The following STARD8 variants were observed in gnomAD, a reference collection of about 807,000 sequenced individuals.
The protein encoded by STARD8 is StAR related lipid transfer domain containing 8, also known as stAR-related lipid transfer protein 8.
A neutral mutation model predicts 69.4 loss-of-function variants in STARD8; 25 were observed. The observed-to-expected ratio is 0.36, with a 90% CI of 0.26 to 0.50. STARD8 has a LOEUF of 0.50. STARD8 is among the 20% of genes least tolerant of loss of function. The pLI is 0.96. For synonymous variants in STARD8, 389 were observed against 374.6 expected, an observed-to-expected ratio of 1.04 and a Z score of -0.45; for missense variants, 921 against 932.5, an observed-to-expected ratio of 0.99 and a Z score of 0.16.
Position 68,718,195 on chromosome X carries a change from A to G in STARD8, c.1281A>G (p.Val427=), listed in dbSNP as rs1298421246. 1 of 1,211,698 alleles carries G rather than the reference A, an allele frequency of 8.3e-7. No homozygotes were observed. The highest frequency in any genetic ancestry group is 1.7e-5 in the African/African-American group (1 of 57,784). ...DEEEEEATSS[V]EIATVEVKCQ... is the part of the protein sequence containing the mutation. ...AAGAGGAGGAGGCCACTTCATCAGT[A>G]GAAATAGCCACAGTTGAGGTCAAAT... Residue 427 remains valine (V), a synonymous_variant, in exon 6 of 15, where the codon GTA becomes GTG. Coordinates refer to ENST00000374599, the MANE Select transcript of STARD8 (RefSeq NM_001142503.3).
chrX:68,663,970 G>A (rs933469079), intron 1 of STARD8, among the ~76,000 whole-genome samples: 3 of 111,827 alleles, frequency 2.7e-5, no homozygotes, highest in African/African-American at 6.5e-5. Flanking sequence ...TGTGGGCTAC[G>A]AGGGTGGATC....
intron 2 of STARD8, among the ~76,000 whole-genome samples, chrX:68,668,106 T>TTTC (rs1183246228): frequency 1.7e-4 from 17 of 102,523 alleles, no homozygotes; most frequent in African/African-American, 6.3e-4. Flanking sequence ...TCTTTCTTTC[T>TTTC]TTCTTTCTGT....
intron 2 of STARD8, among the ~76,000 whole-genome samples, chrX:68,696,638 T>C (rs1358343106): frequency 8.9e-6 from 1 of 111,973 alleles, no homozygotes; most frequent in Non-Finnish European, 1.9e-5. Context: ...CTCCAGGCTC[T>C]GCCGCCCCCC....
In STARD8 at chrX:68,647,684, G is replaced by A. The variant is rs989423420; in HGVS notation, c.-199G>A. The A allele has an allele frequency of 7.2e-5, 33 of 460,977 alleles. No homozygotes were observed. The highest frequency in any genetic ancestry group is 6.6e-4 in the African/African-American group (26 of 39,291). 38.0% of individuals were successfully genotyped at this position (460,977 alleles called of 1,213,427 possible). A position where few individuals can be genotyped will look rare whatever the true frequency, so the allele number is the denominator to read the frequency against. ...CTCCCTCGGTGGCCTTCCAGGAGGCGGGAGGCGCCCGCTGTCGAGGCAGCT... is the reference window on the plus strand; with the variant it reads ...CTCCCTCGGTGGCCTTCCAGGAGGCAGGAGGCGCCCGCTGTCGAGGCAGCT... On this transcript the variant is annotated 5_prime_UTR_variant, in exon 1 of 15. Coordinates refer to ENST00000374599, the MANE Select transcript of STARD8 (RefSeq NM_001142503.3).
intron 2 of STARD8, among the ~76,000 whole-genome samples, chrX:68,687,412 G>C (rs190860281): frequency 2.2e-3 from 249 of 111,663 alleles, no homozygotes; most frequent in African/African-American, 7.3e-3. Flanking sequence ...ACTCTCTCTC[G>C]AGACTCGAAC....
chrX:68,720,508 G>A (rs2080139010), intron 8 of STARD8, 85 bp downstream of exon 8: 2 of 1,034,019 alleles, frequency 1.9e-6, no homozygotes, highest in Non-Finnish European at 2.5e-6. Flanking sequence ...AGGAGCTGGG[G>A]AGAGGAACTG....
chrX:68,660,474 A>G (rs895771322), intron 1 of STARD8, among the ~76,000 whole-genome samples: 1 of 111,624 alleles, frequency 9.0e-6, no homozygotes, highest in Non-Finnish European at 1.9e-5. Flanking sequence ...GAACATGAGC[A>G]TATGTCTCCA....
chrX:68,687,912 T>TC (rs2147898484), intron 2 of STARD8, among the ~76,000 whole-genome samples: 1 of 112,001 alleles, frequency 8.9e-6, no homozygotes, highest in East Asian at 2.8e-4. Flanking sequence ...TGCCATTGCC[T>TC]CCCCCACTGA....
chrX:68,649,147 C>T (rs1189756343), intron 1 of STARD8, among the ~76,000 whole-genome samples: 1 of 111,597 alleles, frequency 9.0e-6, no homozygotes, highest in South Asian at 3.8e-4. Context: ...TCCATTCCAC[C>T]GGGAGGGACT....
chrX:68,715,454 C>A, intron 4 of STARD8, 79 bp downstream of exon 4: 1 of 863,115 alleles, frequency 1.2e-6, no homozygotes, highest in Non-Finnish European at 1.6e-6. Context: ...ATCCCTTGTA[C>A]CCTCTAACAG....
intron 2 of STARD8, among the ~76,000 whole-genome samples, chrX:68,674,064 C>T (rs1401281607): frequency 3.6e-5 from 4 of 111,214 alleles, no homozygotes; most frequent in Non-Finnish European, 7.6e-5. Flanking sequence ...GAGGCCAAGG[C>T]GGGTGGATCA....
Position 68,721,585 on chromosome X carries a change from G to C in STARD8, c.2298G>C (p.Leu766=). 8.3e-7 allele frequency: 1 copy of C among 1,211,925 alleles called. No homozygotes were observed. The change falls in exon 10 of 15, where the codon CTG becomes CTC. Residue 766 remains leucine, a synonymous_variant. Transcript: ENST00000374599. ...CAGCAGCACAAGCCGCCACCTTGCTGCTCCCCGATGAGAACCGAGAGGTGC... is the reference window on the plus strand; with the variant it reads ...CAGCAGCACAAGCCGCCACCTTGCTCCTCCCCGATGAGAACCGAGAGGTGC... The part of the protein sequence containing the change: ...WLAAAQAATL[L]LPDENREVLQ...
chrX:68,667,089 C>T (rs2079688490), intron 2 of STARD8, among the ~76,000 whole-genome samples: 1 of 112,212 alleles, frequency 8.9e-6, no homozygotes, highest in Non-Finnish European at 1.9e-5. Flanking sequence ...GAGGTTGCCA[C>T]CTACAAAGCT....
Position 68,715,390 on chromosome X carries a change from G to C in STARD8, c.233+15G>C, listed in dbSNP as rs1315127894. 9.3e-6 allele frequency: 11 copies of C among 1,188,646 alleles called. No individual in the cohort carries two copies. Among genetic ancestry groups the C allele is most frequent in the Non-Finnish European group, 1.2e-5 (11 of 881,121 alleles). On this transcript the variant is annotated intron_variant, in intron 4 of 14. Coordinates refer to ENST00000374599, the MANE Select transcript of STARD8 (RefSeq NM_001142503.3). ...GCCCTGTGTAGGTAGGTGGGCTGAG[G>C]GCCAGGCCTGGGAAGCCAAAGGCCT... is the stretch of plus-strand genomic sequence containing the variant.
chrX:68,704,858 A>T (rs2079993406), intron 2 of STARD8, among the ~76,000 whole-genome samples: 1 of 111,521 alleles, frequency 9.0e-6, no homozygotes, highest in African/African-American at 3.3e-5. Context: ...GAGATGTGGA[A>T]ACTGAGGTTC....
At position 68,719,292 on chromosome X, in the gene STARD8, A is replaced by C. The variant is rs755696233; in HGVS notation, c.1783A>C (p.Asn595His). The C allele has an allele frequency of 1.7e-6, 2 of 1,209,368 alleles. No individual in the cohort carries two copies. The highest frequency in any genetic ancestry group is 4.4e-5 in the Admixed American group (2 of 45,790). ...PSLNSESLEI[N>H]RQFAGQINLL... ...CCTCAACTCAGAGTCGCTGGAGATC[A>C]ACCGGCAGTTTGCAGGCCAGATCAA... is the stretch of plus-strand genomic sequence containing the variant. The change falls in exon 7 of 15, where the codon AAC becomes CAC. Residue 595 changes from asparagine (N) to histidine (H), a missense_variant. Transcript: ENST00000374599.
intron 1 of STARD8, among the ~76,000 whole-genome samples, chrX:68,652,676 A>G (rs1388986934): frequency 9.4e-6 from 1 of 106,042 alleles, no homozygotes; most frequent in Non-Finnish European, 1.9e-5. Flanking sequence ...CCCACACTCC[A>G]CACACATGAA....
chrX:68,649,823 C>T (rs1409720712), intron 1 of STARD8, among the ~76,000 whole-genome samples: 1 of 110,956 alleles, frequency 9.0e-6, no homozygotes, highest in Non-Finnish European at 1.9e-5. Context: ...AGAAAAAGCA[C>T]TCCAGCAGTA....
chrX:68,655,360 G>T (rs2079605081), intron 1 of STARD8, among the ~76,000 whole-genome samples: 1 of 111,995 alleles, frequency 8.9e-6, no homozygotes, highest in Non-Finnish European at 1.9e-5. Flanking sequence ...CTCAGGTCAT[G>T]GTAAAACCAC....
Sources: gnomAD v4.1 joint callset for allele counts (sites outside exome capture counted in the v4.1 genomes callset) on GRCh38, gnomAD v4.1.1 for gene constraint, MANE v1.5 for transcripts, NCBI Gene and HGNC (gene_info 2026-07-23, HGNC 2026-07-21) for gene names.